Variants in WDR93 observed in about 807,000 individuals in gnomAD.
WDR93 encodes the protein WD repeat domain 93.
In WDR93, 73 loss-of-function variants were observed where a neutral mutation model predicts 82.9. The ratio of observed to expected loss-of-function variants is 0.88; its 90% CI spans 0.73 to 1.07. The LOEUF (loss-of-function observed/expected upper bound fraction) is 1.07. WDR93 is among the 50% of genes least tolerant of loss of function. The probability of loss-of-function intolerance (pLI) is 0.00; values close to 1 mark genes in which losing one functional copy is unlikely to be tolerated. For missense variants in WDR93, 738 were observed against 826.0 expected (o/e 0.89, Z 1.31); for synonymous variants, 283 against 300.1 (o/e 0.94, Z 0.59).
intron 1 of WDR93, among the ~76,000 whole-genome samples, chr15:89,698,641 G>T (rs1207251775): frequency 1.3e-5 from 2 of 151,970 alleles, no homozygotes; most frequent in African/African-American, 4.8e-5. Context: ...ACCTAGCATA[G>T]CCTACCTTCA....
chr15:89,730,975 C>T (rs1265484317), intron 11 of WDR93, among the ~76,000 whole-genome samples: 1 of 152,116 alleles, frequency 6.6e-6, no homozygotes, highest in Non-Finnish European at 1.5e-5. Context: ...TTATATTACA[C>T]TTCAAAAGTA....
At chr15:89,737,855 C>G (rs1967334292) in intron 15 of WDR93, 126 bp downstream of exon 15, 1 of 1,413,272 alleles carries the variant, frequency 7.1e-7, no homozygotes, top group African/African-American at 1.4e-5. Flanking sequence ...CCAAAGGGTA[C>G]CGCAGCTCAG....
intron 1 of WDR93, among the ~76,000 whole-genome samples, chr15:89,692,902 C>T (rs1355921921): frequency 8.9e-6 from 1 of 112,240 alleles, no homozygotes; most frequent in Non-Finnish European, 2.1e-5. Flanking sequence ...GCCACCACGC[C>T]TGGCCTCATC....
intron 1 of WDR93, among the ~76,000 whole-genome samples, chr15:89,697,846 T>C (rs994167649): frequency 8.5e-5 from 13 of 152,058 alleles, no homozygotes; most frequent in African/African-American, 3.1e-4. Context: ...TTTAGGACTT[T>C]TATACCCACT....
In WDR93 at chr15:89,733,147, G is replaced by C. The variant is rs746385100; in HGVS notation, c.1472G>C (p.Cys491Ser). 1.2e-6 allele frequency: 2 copies of C among 1,614,016 alleles called. No homozygotes were observed. Among genetic ancestry groups the C allele is most frequent in the African/African-American group, 2.7e-5 (2 of 74,928 alleles). Residue 491 changes from cysteine to serine, a missense_variant, in exon 13 of 17, where the codon TGC becomes TCC. Transcript: ENST00000268130. Reference sequence around the variant, plus strand: ...TCCCAAATGAAATGTGTGGTGCTGTGCACAGACGCCTCCCTCCATCTGGTG... The same window carrying C: ...TCCCAAATGAAATGTGTGGTGCTGTCCACAGACGCCTCCCTCCATCTGGTG... ...VKSQMKCVVL[C>S]TDASLHLVEA... is the part of the protein sequence containing the mutation.
intron 7 of WDR93, among the ~76,000 whole-genome samples, chr15:89,718,909 C>T (rs1277581928): frequency 6.6e-6 from 1 of 152,202 alleles, no homozygotes; most frequent in Non-Finnish European, 1.5e-5. Flanking sequence ...GCCACCGCGC[C>T]CAGCCCCAGT....
intron 1 of WDR93, among the ~76,000 whole-genome samples, chr15:89,698,956 T>C (rs1965319555): frequency 6.6e-6 from 1 of 152,130 alleles, no homozygotes; most frequent in Admixed American, 6.6e-5. Flanking sequence ...GACACCATCA[T>C]GGCTCACTGC....
chr15:89,710,310 T>C (rs970241937), intron 4 of WDR93, among the ~76,000 whole-genome samples: 1 of 152,066 alleles, frequency 6.6e-6, no homozygotes, highest in Non-Finnish European at 1.5e-5. Flanking sequence ...AAACATCAAG[T>C]TGAATGACAG....
intron 13 of WDR93, among the ~76,000 whole-genome samples, chr15:89,735,232 G>C (rs962187284): frequency 1.3e-5 from 2 of 152,118 alleles, no homozygotes; most frequent in African/African-American, 4.8e-5. Flanking sequence ...GTTCACAAGA[G>C]CCATACATGT....
At chr15:89,736,905 C>G (rs1408441947) in intron 14 of WDR93, among the ~76,000 whole-genome samples, 2 of 151,868 alleles carry the variant, frequency 1.3e-5, no homozygotes, top group South Asian at 2.1e-4. Flanking sequence ...CATTCTCCTG[C>G]CTCAGCCTCC....
At chr15:89,728,484 CAA>C (rs1367752598) in intron 9 of WDR93, among the ~76,000 whole-genome samples, 1 of 152,312 alleles carries the variant, frequency 6.6e-6, no homozygotes, top group African/African-American at 2.4e-5. Flanking sequence ...GGAACTACGT[CAA>C]GATTCAGTGG....
chr15:89,725,910 T>A (rs913780703), intron 8 of WDR93, among the ~76,000 whole-genome samples: 1 of 152,194 alleles, frequency 6.6e-6, no homozygotes, highest in Non-Finnish European at 1.5e-5. Context: ...GTTTGCTTTA[T>A]AATAACTCAT....
chr15:89,701,167 G>A (rs1014995850), intron 1 of WDR93, among the ~76,000 whole-genome samples: 1 of 152,022 alleles, frequency 6.6e-6, no homozygotes, highest in African/African-American at 2.4e-5. Context: ...CATTTCTGGA[G>A]GCTCTTGAAA....
chr15:89,729,684 A>G lies in WDR93; in HGVS notation c.1125A>G (p.Gly375=). ...AMPPEVKGPS[G]MACVLGIHWT... is the part of the protein sequence containing the mutation. Reference sequence around the variant, plus strand: ...GTCTTTCCCCCGCCCCCCCACCAGGAATGGCCTGTGTCCTTGGTATACACT... The same window carrying G: ...GTCTTTCCCCCGCCCCCCCACCAGGGATGGCCTGTGTCCTTGGTATACACT... Residue 375 remains glycine (G), a splice_region_variant and synonymous_variant, in exon 11 of 17, where the codon GGA becomes GGG. Transcript: ENST00000268130. 6.4e-7 allele frequency: 1 copy of G among 1,561,972 alleles called. No homozygotes were observed. The highest frequency in any genetic ancestry group is 8.8e-7 in the Non-Finnish European group (1 of 1,142,140).
At chr15:89,715,835 C>T (rs566046570) in intron 6 of WDR93, among the ~76,000 whole-genome samples, 3 of 152,174 alleles carry the variant, frequency 2.0e-5, no homozygotes, top group Admixed American at 2.0e-4. Flanking sequence ...GTGCCCGCCT[C>T]GGCCTCCCAA....
intron 13 of WDR93, among the ~76,000 whole-genome samples, 196 bp from the exon 14 acceptor site, chr15:89,735,294 T>C (rs79148733): frequency 0.016 from 2,503 of 152,338 alleles, 82 homozygotes; most frequent in African/African-American, 0.057. Flanking sequence ...TATATTTCAT[T>C]GTATAAGATA....
At chr15:89,715,218 A>G (rs1966194096) in intron 6 of WDR93, 123 bp downstream of exon 6, 1 of 733,482 alleles carries the variant, frequency 1.4e-6, no homozygotes, top group Non-Finnish European at 2.2e-6. Context: ...CAACAGGAAT[A>G]TTGGCCCCTG....
At chr15:89,714,818 T>A (rs987085506) in intron 5 of WDR93, among the ~76,000 whole-genome samples, 162 bp from the exon 6 acceptor site, 15 of 152,274 alleles carry the variant, frequency 9.9e-5, no homozygotes, top group Non-Finnish European at 2.1e-4. Context: ...GGACTTGCAA[T>A]AACCATTGCA....
intron 12 of WDR93, among the ~76,000 whole-genome samples, 161 bp from the exon 13 acceptor site, chr15:89,732,845 T>C (rs552095454): frequency 6.7e-4 from 102 of 152,250 alleles, no homozygotes; most frequent in African/African-American, 2.4e-3. Flanking sequence ...TCTCTCCCAT[T>C]GGGCACTAGG....
Sources: allele counts gnomAD v4.1 joint callset (sites outside exome capture counted in the v4.1 genomes callset), GRCh38; gene constraint gnomAD v4.1.1; transcripts MANE v1.5; gene names NCBI Gene and HGNC (gene_info 2026-07-23, HGNC 2026-07-21).